Variants in ZBTB20 observed in about 807,000 individuals in gnomAD.
ZBTB20 encodes zinc finger and BTB domain containing 20.
Under a neutral mutation model 56.9 loss-of-function variants are expected in ZBTB20, and 9 were observed. The ratio of observed to expected loss-of-function variants is 0.16; its 90% CI spans 0.10 to 0.28. ZBTB20 has a LOEUF of 0.28. ZBTB20 is among the 10% of genes least tolerant of loss of function. The probability of loss-of-function intolerance (pLI) is 1.00; values close to 1 mark genes in which losing one functional copy is unlikely to be tolerated. For missense variants in ZBTB20, 655 were observed against 1,003.0 expected (o/e 0.65, Z 4.69); for synonymous variants, 417 against 420.7 (o/e 0.99, Z 0.11).
intron 5 of ZBTB20, among the ~76,000 whole-genome samples, chr3:114,751,479 C>CT (rs1434904767): frequency 1.3e-5 from 2 of 152,066 alleles, no homozygotes; most frequent in Non-Finnish European, 2.9e-5. Flanking sequence ...CTTTAGTCAC[C>CT]TACTATGTGG....
chr3:114,549,799 T>C (rs2050333937), intron 6 of ZBTB20, among the ~76,000 whole-genome samples: 1 of 151,610 alleles, frequency 6.6e-6, no homozygotes, highest in Non-Finnish European at 1.5e-5. Flanking sequence ...TTTTGGTGAC[T>C]CTATCAGTTA....
intron 7 of ZBTB20, among the ~76,000 whole-genome samples, chr3:114,469,065 T>C (rs1252645383): frequency 1.3e-5 from 2 of 151,568 alleles, no homozygotes; most frequent in African/African-American, 4.9e-5. Context: ...GAAATCTCTT[T>C]AACCTTAAAG....
rs138104664 is a variant in ZBTB20 at position 114,561,387 on chromosome 3, T to C, written c.-294-60996A>G. On this transcript the variant is annotated intron_variant, in intron 6 of 11. Transcript: ENST00000675478. ...CCTATGTCGATGATAGAAATCACTA[T>C]CTACGGTAGCTATAGCCTTATGAAA... 2.0e-4 allele frequency among the ~76,000 whole-genome samples: 30 copies of C among 152,318 alleles called. No individual in the cohort carries two copies. In the East Asian group the frequency reaches 5.6e-3, roughly 28 times the overall value.
chr3:114,831,829 T>A (rs546523062), intron 4 of ZBTB20, among the ~76,000 whole-genome samples: 1 of 152,162 alleles, frequency 6.6e-6, no homozygotes, highest in Non-Finnish European at 1.5e-5. Flanking sequence ...ATCTACCTCA[T>A]CTTTTTAAAC....
At chr3:114,677,229 G>A (rs1157057234) in intron 6 of ZBTB20, among the ~76,000 whole-genome samples, 1 of 152,118 alleles carries the variant, frequency 6.6e-6, no homozygotes, top group Non-Finnish European at 1.5e-5. Context: ...AATATATTTG[G>A]TCTTGATGAT....
At chr3:114,481,577 T>C (rs2041550583) in intron 7 of ZBTB20, among the ~76,000 whole-genome samples, 1 of 152,232 alleles carries the variant, frequency 6.6e-6, no homozygotes, top group Non-Finnish European at 1.5e-5. Context: ...AGAAACTCTA[T>C]TTTGCAGGCA....
chr3:114,945,893 T>A (rs1428450331), intron 3 of ZBTB20, among the ~76,000 whole-genome samples: 1 of 145,228 alleles, frequency 6.9e-6, no homozygotes, highest in Non-Finnish European at 1.5e-5. Context: ...CTATACATTA[T>A]AATATCAGTC....
chr3:115,062,916 C>T (rs1232267676), intron 2 of ZBTB20, among the ~76,000 whole-genome samples: 2 of 152,116 alleles, frequency 1.3e-5, no homozygotes, highest in Non-Finnish European at 1.5e-5. Context: ...CTTTCTTTAA[C>T]AAAGCAACTA....
Position 114,316,323 on chromosome 3 carries a change from A to G in ZBTB20, c.*22682T>C. 2.5e-6 allele frequency: 1 copy of G among 396,208 alleles called. No homozygotes were observed. 24.5% of individuals were successfully genotyped at this position (396,208 alleles called of 1,614,324 possible). On this transcript the variant is annotated 3_prime_UTR_variant, in exon 12 of 12. Transcript: ENST00000675478. ...TGAACATACAGAAATGACCAAAGTC[A>G]CTGCAAGTAGCTGTTTTTATTTTTT... is the stretch of plus-strand genomic sequence containing the variant.
At chr3:115,052,614 G>C (rs1034956126) in intron 2 of ZBTB20, among the ~76,000 whole-genome samples, 1 of 152,084 alleles carries the variant, frequency 6.6e-6, no homozygotes, top group Non-Finnish European at 1.5e-5. Context: ...TCTTGTTCAG[G>C]AAGAAGCTTG....
intron 4 of ZBTB20, among the ~76,000 whole-genome samples, chr3:114,875,196 C>T (rs758914259): frequency 1.1e-3 from 170 of 152,206 alleles, no homozygotes; most frequent in Admixed American, 2.4e-3. Flanking sequence ...CTGATTAGCA[C>T]TGTGCATAAT....
At chr3:114,397,914 C>T (rs147432758) in intron 7 of ZBTB20, among the ~76,000 whole-genome samples, 168 of 152,154 alleles carry the variant, frequency 1.1e-3, no homozygotes, top group African/African-American at 1.7e-3. Context: ...AGCCTGGGCT[C>T]GGAAATTCAC....
chr3:115,061,776 T>C (rs1255211379), intron 2 of ZBTB20, among the ~76,000 whole-genome samples: 1 of 152,110 alleles, frequency 6.6e-6, no homozygotes, highest in Non-Finnish European at 1.5e-5. Context: ...TGAAACTATT[T>C]AATATGGGTA....
chr3:114,457,770 G>T (rs1047027960), intron 7 of ZBTB20, among the ~76,000 whole-genome samples: 7 of 152,154 alleles, frequency 4.6e-5, no homozygotes, highest in African/African-American at 9.7e-5. Context: ...GGTATAGAAA[G>T]ATTGTGTAAC....
intron 2 of ZBTB20, among the ~76,000 whole-genome samples, chr3:114,977,142 T>C (rs1164516270): frequency 6.6e-6 from 1 of 152,226 alleles, no homozygotes; most frequent in African/African-American, 2.4e-5. Flanking sequence ...ACTATTTACA[T>C]GCTGTCTGAC....
intron 6 of ZBTB20, among the ~76,000 whole-genome samples, chr3:114,593,189 G>A (rs1354010918): frequency 6.6e-6 from 1 of 152,110 alleles, no homozygotes; most frequent in Non-Finnish European, 1.5e-5. Context: ...TAGATATTTT[G>A]AGGTATTAAA....
intron 6 of ZBTB20, among the ~76,000 whole-genome samples, chr3:114,512,984 T>C (rs1238014958): frequency 6.6e-6 from 1 of 152,198 alleles, no homozygotes; most frequent in Admixed American, 6.5e-5. Context: ...GGTCCCTATA[T>C]TCTCTTATAA....
intron 4 of ZBTB20, among the ~76,000 whole-genome samples, chr3:114,886,956 G>A (rs996288414): frequency 1.3e-5 from 2 of 152,198 alleles, no homozygotes; most frequent in Non-Finnish European, 2.9e-5. Context: ...ATCTCTTATA[G>A]TTGGAGGCTG....
chr3:114,431,393 A>G (rs2090108212), intron 7 of ZBTB20, among the ~76,000 whole-genome samples: 1 of 152,206 alleles, frequency 6.6e-6, no homozygotes, highest in South Asian at 2.1e-4. Flanking sequence ...CCCCTTCTAC[A>G]TTACGTATAA....
Sources: gnomAD v4.1 joint callset for allele counts (sites outside exome capture counted in the v4.1 genomes callset) on GRCh38, gnomAD v4.1.1 for gene constraint, MANE v1.5 for transcripts, NCBI Gene and HGNC (gene_info 2026-07-23, HGNC 2026-07-21) for gene names.